WWP2: variants seen among roughly 807,000 people sequenced by gnomAD.
WWP2 encodes NEDD4-like E3 ubiquitin-protein ligase WWP2.
Under a neutral mutation model 121.0 loss-of-function variants are expected in WWP2, and 57 were observed. The observed-to-expected ratio is 0.47, with a 90% CI of 0.38 to 0.59. WWP2 has a LOEUF of 0.59. Ranked by LOEUF, WWP2 falls within the 20% of genes least tolerant of loss-of-function variation. The pLI, the probability that WWP2 is intolerant of heterozygous loss-of-function variation, is 0.00. For synonymous variants in WWP2, 449 were observed against 441.3 expected (o/e 1.02, Z -0.22); for missense variants, 962 against 1,158.9 (o/e 0.83, Z 2.47).
intron 2 of WWP2, among the ~76,000 whole-genome samples, chr16:69,792,581 G>A (rs1375883686): frequency 6.6e-6 from 1 of 152,202 alleles, no homozygotes; most frequent in East Asian, 1.9e-4. Context: ...TTACAAATGT[G>A]TCAGTGGAGA....
intron 2 of WWP2, among the ~76,000 whole-genome samples, chr16:69,792,828 A>T (rs1445160928): frequency 2.0e-5 from 3 of 152,116 alleles, no homozygotes; most frequent in Non-Finnish European, 4.4e-5. Flanking sequence ...AGTAACTGGA[A>T]CTACAGGTGT....
chr16:69,931,698 G>T, intron 15 of WWP2, 104 bp from the exon 16 acceptor site: 1 of 1,567,948 alleles, frequency 6.4e-7, no homozygotes, highest in South Asian at 1.1e-5. Flanking sequence ...GAGTCTTGGT[G>T]ACTGTGTCTG....
chr16:69,913,912 A>G (rs1364232211), intron 9 of WWP2, among the ~76,000 whole-genome samples: 2 of 151,524 alleles, frequency 1.3e-5, no homozygotes, highest in African/African-American at 4.8e-5. Flanking sequence ...CTCTACTAAA[A>G]ATATAAAAAA....
chr16:69,785,381 A>G (rs1230146069), intron 1 of WWP2, among the ~76,000 whole-genome samples: 1 of 152,188 alleles, frequency 6.6e-6, no homozygotes, highest in South Asian at 2.1e-4. Context: ...TGGCTTCCCA[A>G]TGCTTAAAGA....
At chr16:69,907,911 A>G (rs1399077574) in intron 8 of WWP2, among the ~76,000 whole-genome samples, 1 of 152,200 alleles carries the variant, frequency 6.6e-6, no homozygotes, top group Non-Finnish European at 1.5e-5. Context: ...GAGCATGAAT[A>G]TATATGATGC....
At chr16:69,842,946 G>A (rs1182573304) in intron 6 of WWP2, among the ~76,000 whole-genome samples, 4 of 152,122 alleles carry the variant, frequency 2.6e-5, no homozygotes, top group Admixed American at 2.6e-4. Flanking sequence ...TGGGATTACA[G>A]CCATAAGCCA....
At chr16:69,808,361 A>T (rs1351586447) in intron 4 of WWP2, among the ~76,000 whole-genome samples, 2 of 151,364 alleles carry the variant, frequency 1.3e-5, no homozygotes, top group African/African-American at 4.9e-5. Flanking sequence ...AAATGCTGGG[A>T]TTACAGGCAT....
chr16:69,869,960 C>T (rs1236813097), intron 6 of WWP2, among the ~76,000 whole-genome samples: 1 of 152,114 alleles, frequency 6.6e-6, no homozygotes, highest in African/African-American at 2.4e-5. Flanking sequence ...TTAATTTCAC[C>T]ATTGTCCAAA....
chr16:69,929,325 T>A, intron 11 of WWP2, 123 bp from the exon 12 acceptor site: 1 of 844,470 alleles, frequency 1.2e-6, no homozygotes, highest in Non-Finnish European at 1.9e-6. Context: ...CTGGTTCTTC[T>A]CTAACAGGCT....
At position 69,813,442 on chromosome 16, in the gene WWP2, G is replaced by A. The variant is rs765071317; in HGVS notation, c.340+14147G>A. On this transcript the variant is annotated intron_variant, in intron 4 of 23. Transcript: ENST00000359154. ...CTCCCAAAGTGCTGGGATTACAGGC[G>A]TGAGCCACTGCGCCCAGCCTTTTTT... Among the ~76,000 whole-genome samples the A allele has an allele frequency of 3.3e-4, 50 of 152,014 alleles. 1 individual carries two copies. Among genetic ancestry groups the A allele is most frequent in the Admixed American group, 2.5e-3 (38 of 15,258 alleles).
chr16:69,815,605 G>A (rs1004682052), intron 4 of WWP2, among the ~76,000 whole-genome samples: 1 of 151,842 alleles, frequency 6.6e-6, no homozygotes, highest in Non-Finnish European at 1.5e-5. Flanking sequence ...GGCCAATGTG[G>A]TGAAACCCCC....
chr16:69,772,158 A>G (rs925566764), intron 1 of WWP2, among the ~76,000 whole-genome samples: 1 of 151,222 alleles, frequency 6.6e-6, no homozygotes, highest in African/African-American at 2.4e-5. Flanking sequence ...ACAGGGTTTC[A>G]TCATGTTGGT....
At chr16:69,866,800 GTATTTATTTATTTATTTATTTATT>G (rs10525822) in intron 6 of WWP2, among the ~76,000 whole-genome samples, 66 of 139,670 alleles carry the variant, frequency 4.7e-4, no homozygotes, top group African/African-American at 7.4e-4. Flanking sequence ...TTTCAGTTCC[GTATTTATTTATTTATTTATTTATT>G]TATTTATTTA....
chr16:69,841,892 C>A, intron 5 of WWP2, 132 bp from the exon 6 acceptor site: 1 of 786,526 alleles, frequency 1.3e-6, no homozygotes, highest in Non-Finnish European at 2.1e-6. Context: ...CTGCAGCTTG[C>A]CGGATGTCCA....
intron 11 of WWP2, among the ~76,000 whole-genome samples, chr16:69,926,479 G>C (rs1261800398): frequency 1.3e-5 from 2 of 152,118 alleles, no homozygotes; most frequent in Non-Finnish European, 1.5e-5. Flanking sequence ...TGATAGGATG[G>C]GCATCTGATG....
intron 6 of WWP2, among the ~76,000 whole-genome samples, chr16:69,849,723 G>A (rs527238328): frequency 3.3e-5 from 5 of 152,060 alleles, no homozygotes; most frequent in Admixed American, 2.0e-4. Flanking sequence ...CAGAAGGATC[G>A]CTTGAGGCCA....
At position 69,929,961 on chromosome 16, in the gene WWP2, C is replaced by T. The variant is rs113184354; in HGVS notation, c.1317-169C>T. On this transcript the variant is annotated intron_variant, in intron 12 of 23. Coordinates refer to ENST00000359154, the MANE Select transcript of WWP2 (RefSeq NM_001270454.2). ...GCCATGAGATAATAAGTGACCTCTCCGTGCTGCAGAACTGTTCTCACGACT... is the reference window on the plus strand; with the variant it reads ...GCCATGAGATAATAAGTGACCTCTCTGTGCTGCAGAACTGTTCTCACGACT... Among the ~76,000 whole-genome samples the T allele has an allele frequency of 3.4e-4, 52 of 152,310 alleles. No individual in the cohort carries two copies. In the South Asian group the frequency reaches 4.6e-3, roughly 13 times the overall value.
At chr16:69,820,352 C>T (rs749472010) in intron 4 of WWP2, among the ~76,000 whole-genome samples, 6 of 152,166 alleles carry the variant, frequency 3.9e-5, no homozygotes, top group Non-Finnish European at 7.3e-5. Context: ...AGTGATTCTC[C>T]TGCCTCCGCC....
chr16:69,816,669 G>A (rs2056497119), intron 4 of WWP2, among the ~76,000 whole-genome samples: 1 of 151,850 alleles, frequency 6.6e-6, no homozygotes, highest in African/African-American at 2.4e-5. Context: ...TCATTTTTCT[G>A]AATTCCCTCA....
Sources: gnomAD v4.1 joint callset for allele counts (sites outside exome capture counted in the v4.1 genomes callset) on GRCh38, gnomAD v4.1.1 for gene constraint, MANE v1.5 for transcripts, NCBI Gene and HGNC (gene_info 2026-07-23, HGNC 2026-07-21) for gene names.